FSD2: variants seen among roughly 807,000 people sequenced by gnomAD.
The protein encoded by FSD2 is fibronectin type III and SPRY domain containing 2.
A neutral mutation model predicts 80.4 loss-of-function variants in FSD2; 71 were observed. The observed-to-expected ratio is 0.88, with a 90% CI of 0.73 to 1.08. The LOEUF (loss-of-function observed/expected upper bound fraction) is 1.08, where lower values mean the gene tolerates loss of function less well. FSD2 is among the 50% of genes least tolerant of loss of function. The pLI is 0.00. For missense variants in FSD2, 923 were observed against 913.8 expected, an observed-to-expected ratio of 1.01 and a Z score of -0.13; for synonymous variants, 361 against 329.5, an observed-to-expected ratio of 1.10 and a Z score of -1.03.
intron 1 of FSD2, among the ~76,000 whole-genome samples, chr15:82,790,328 A>C (rs1191473824): frequency 6.6e-6 from 1 of 152,082 alleles, no homozygotes; most frequent in Non-Finnish European, 1.5e-5. Flanking sequence ...TCTTCCCTGA[A>C]CCTTCCCTCT....
chr15:82,787,038 C>G lies in FSD2; in HGVS notation c.353G>C (p.Arg118Thr). 1 of 1,614,010 alleles carries G rather than the reference C, an allele frequency of 6.2e-7. No individual in the cohort carries two copies. The highest frequency in any genetic ancestry group is 8.5e-7 in the Non-Finnish European group (1 of 1,179,892). Reference protein sequence around the residue: ...MKRRDPAREQRDWRLSGEAAE... With the variant: ...MKRRDPAREQTDWRLSGEAAE... ...TGCCTCTCCACTAAGTCTCCAGTCT[C>G]TCTGCTCCCTGGCTGGGTCTCTCCT... Residue 118 changes from arginine to threonine, a missense_variant, in exon 2 of 13, where the codon AGA (arginine) becomes ACA (threonine). Arg to Thr is a moderately conservative substitution (Grantham distance 71). Transcript: ENST00000334574.
At chr15:82,804,637 A>C (rs893324989) in intron 1 of FSD2, among the ~76,000 whole-genome samples, 1 of 152,246 alleles carries the variant, frequency 6.6e-6, no homozygotes, top group African/African-American at 2.4e-5. Flanking sequence ...AAAGGGAAAT[A>C]GCCAGGATTC....
intron 6 of FSD2, among the ~76,000 whole-genome samples, chr15:82,775,956 T>G (rs1296848315): frequency 1.3e-5 from 2 of 152,212 alleles, no homozygotes; most frequent in African/African-American, 4.8e-5. Context: ...TTTTTTCTTG[T>G]TATTGATTTC....
Position 82,759,469 on chromosome 15 carries a change from T to C in FSD2, c.2129A>G (p.His710Arg). 6.2e-7 allele frequency: 1 copy of C among 1,613,548 alleles called. No homozygotes were observed. Among genetic ancestry groups the C allele is most frequent in the Non-Finnish European group, 8.5e-7 (1 of 1,179,698 alleles). ...AAGCTGACAACTAAATGTATATAGA[T>C]GCTGAGAAAGGTCCACATTGAAAAA... ...LSFFNVDLSQ[H>R]LYTFSCQLHE... Residue 710 changes from histidine to arginine, a missense_variant, in exon 13 of 13, where the codon CAT becomes CGT. Physicochemically the swap from His to Arg is conservative, Grantham distance 29. Coordinates refer to ENST00000334574, the MANE Select transcript of FSD2 (RefSeq NM_001007122.4).
chr15:82,803,806 C>G (rs1373982659), intron 1 of FSD2, among the ~76,000 whole-genome samples: 1 of 152,106 alleles, frequency 6.6e-6, no homozygotes. Context: ...TCTCCCTGCT[C>G]CCCAAGATCA....
chr15:82,765,362 G>T (rs1010094264), intron 10 of FSD2, 64 bp from the exon 11 acceptor site: 2 of 1,606,528 alleles, frequency 1.2e-6, no homozygotes, highest in Non-Finnish European at 1.7e-6. Flanking sequence ...TGTGGGCGGT[G>T]GTCACCGGTT....
At chr15:82,799,194 C>A (rs1037282533) in intron 1 of FSD2, among the ~76,000 whole-genome samples, 1 of 152,010 alleles carries the variant, frequency 6.6e-6, no homozygotes, top group African/African-American at 2.4e-5. Context: ...CTTTTGATTG[C>A]CCTTTTAATA....
chr15:82,801,795 C>T (rs1271672547), intron 1 of FSD2, among the ~76,000 whole-genome samples: 1 of 152,136 alleles, frequency 6.6e-6, no homozygotes, highest in Non-Finnish European at 1.5e-5. Flanking sequence ...TTCAGTAACA[C>T]CTGCTGAGGC....
intron 11 of FSD2, among the ~76,000 whole-genome samples, chr15:82,763,295 CT>C (rs986154187): frequency 1.3e-5 from 2 of 152,202 alleles, no homozygotes; most frequent in African/African-American, 4.8e-5. Flanking sequence ...CGGTAACCCC[CT>C]GGTGGAAAAC....
chr15:82,786,673 T>A, intron 2 of FSD2, 67 bp from the exon 3 acceptor site: 1 of 1,606,566 alleles, frequency 6.2e-7, no homozygotes, highest in East Asian at 2.2e-5. Context: ...TAGAAGGCGT[T>A]TTAGATTTAT....
intron 6 of FSD2, among the ~76,000 whole-genome samples, chr15:82,778,149 T>TATATATATATATA (rs2049764613): frequency 7.2e-6 from 1 of 138,214 alleles, no homozygotes; most frequent in Non-Finnish European, 1.5e-5. Flanking sequence ...TATATATATA[T>TATATATATATATA]ATATATATAA....
At chr15:82,796,065 C>T (rs1039703834) in intron 1 of FSD2, among the ~76,000 whole-genome samples, 11 of 144,242 alleles carry the variant, frequency 7.6e-5, no homozygotes, top group East Asian at 2.1e-4. Flanking sequence ...TGCAGTGGCG[C>T]GATCTCTGCT....
Position 82,786,857 on chromosome 15 carries a change from G to C in FSD2, c.534C>G (p.Val178=). 6.2e-7 allele frequency: 1 copy of C among 1,614,016 alleles called. No homozygotes were observed. The highest frequency in any genetic ancestry group is 8.5e-7 in the Non-Finnish European group (1 of 1,179,900). ...EEEDEEEAAD[V]FCVTCKTPIR... is the part of the protein sequence containing the mutation. ...TTGGAGTCTTACAAGTGACACAGAA[G>C]ACATCAGCAGCTTCTTCTTCATCCT... The change falls in exon 2 of 13, where the codon GTC becomes GTG. Residue 178 remains valine, a synonymous_variant. Coordinates refer to ENST00000334574, the MANE Select transcript of FSD2 (RefSeq NM_001007122.4).
chr15:82,795,323 AT>A (rs966664089), intron 1 of FSD2, among the ~76,000 whole-genome samples: 6 of 151,610 alleles, frequency 4.0e-5, no homozygotes, highest in East Asian at 3.9e-4. Flanking sequence ...TCAAGCTATG[AT>A]TTTTTTTTCC....
chr15:82,779,923 C>T (rs2049812624), intron 5 of FSD2, among the ~76,000 whole-genome samples: 1 of 151,984 alleles, frequency 6.6e-6, no homozygotes, highest in South Asian at 2.1e-4. Context: ...AGTCTGGGTC[C>T]AGGCATAGTG....
chr15:82,788,504 CAA>C (rs11317915), intron 1 of FSD2, among the ~76,000 whole-genome samples: 2,218 of 66,370 alleles, frequency 0.033, 36 homozygotes, highest in African/African-American at 0.11. Context: ...GACCCTGTCT[CAA>C]AAAAAAAAAA....
At chr15:82,796,963 T>C (rs2050286703) in intron 1 of FSD2, among the ~76,000 whole-genome samples, 1 of 150,162 alleles carries the variant, frequency 6.7e-6, no homozygotes, top group Non-Finnish European at 1.5e-5. Flanking sequence ...AGTAAAACTA[T>C]ACCTCTCACT....
intron 9 of FSD2, among the ~76,000 whole-genome samples, chr15:82,767,520 G>A (rs989619738): frequency 3.9e-5 from 6 of 152,190 alleles, no homozygotes; most frequent in African/African-American, 1.4e-4. Flanking sequence ...GCAATGGGTC[G>A]CCATGATTGG....
intron 1 of FSD2, among the ~76,000 whole-genome samples, chr15:82,791,612 A>T (rs1053554517): frequency 1.3e-5 from 2 of 149,670 alleles, no homozygotes; most frequent in African/African-American, 4.9e-5. Context: ...AGTTCAAGGG[A>T]TTGCCCACCT....
Sources: allele counts gnomAD v4.1 joint callset (sites outside exome capture counted in the v4.1 genomes callset), GRCh38; gene constraint gnomAD v4.1.1; transcripts MANE v1.5; gene names NCBI Gene and HGNC (gene_info 2026-07-23, HGNC 2026-07-21).